ZMAT4: variants seen among roughly 807,000 people sequenced by gnomAD.
The protein encoded by ZMAT4 is zinc finger matrin-type 4.
A neutral mutation model predicts 28.7 loss-of-function variants in ZMAT4; 17 were observed. The ratio of observed to expected loss-of-function variants is 0.59; its 90% confidence interval spans 0.41 to 0.89. ZMAT4 has a LOEUF of 0.89. Ranked by LOEUF, ZMAT4 falls within the 40% of genes least tolerant of loss-of-function variation. The pLI is 0.00. For synonymous variants in ZMAT4, 117 were observed against 109.2 expected (o/e 1.07, Z -0.44); for missense variants, 240 against 283.8 (o/e 0.85, Z 1.11).
At chr8:40,891,434 T>C (rs1250458123) in intron 1 of ZMAT4, among the ~76,000 whole-genome samples, 1 of 151,856 alleles carries the variant, frequency 6.6e-6, no homozygotes, top group Non-Finnish European at 1.5e-5. Flanking sequence ...CTGTGGTCCC[T>C]GGGTTTCCTC....
chr8:40,760,226 C>T (rs1054338097), intron 3 of ZMAT4, among the ~76,000 whole-genome samples: 14 of 152,236 alleles, frequency 9.2e-5, no homozygotes, highest in African/African-American at 3.1e-4. Context: ...CCAGCTCCTT[C>T]TAGCCGTGCT....
chr8:40,617,032 A>G (rs1585765014), intron 5 of ZMAT4, among the ~76,000 whole-genome samples: 1 of 152,168 alleles, frequency 6.6e-6, no homozygotes, highest in East Asian at 1.9e-4. Context: ...AAGAAAAAAT[A>G]TCTCAGCTAT....
chr8:40,615,960 T>C (rs981804069), intron 5 of ZMAT4, among the ~76,000 whole-genome samples: 12 of 152,066 alleles, frequency 7.9e-5, no homozygotes, highest in Admixed American at 7.9e-4. Context: ...ACCTACAAAA[T>C]GGGAGAAAAT....
At chr8:40,828,754 G>T (rs1459923363) in intron 1 of ZMAT4, among the ~76,000 whole-genome samples, 2 of 152,068 alleles carry the variant, frequency 1.3e-5, no homozygotes, top group African/African-American at 2.4e-5. Context: ...AGCCTGTTTT[G>T]TACATGAGGG....
Position 40,896,356 on chromosome 8 carries a change from C to T in ZMAT4, c.-5+1327G>A, listed in dbSNP as rs62640289. On this transcript the variant is annotated intron_variant, in intron 1 of 6. Transcript: ENST00000297737. The stretch of plus-strand genomic sequence containing the variant: ...TCGAACTCCCCAGCTGCGGGTTTAA[C>T]GGAAATCAGAGGGATGAAAATCATC... 6.0e-3 allele frequency among the ~76,000 whole-genome samples: 914 copies of T among 152,230 alleles called. 6 individuals carry two copies. Among genetic ancestry groups the T allele is most frequent in the Middle Eastern group, 0.014 (4 of 294 alleles).
In ZMAT4 at chr8:40,697,468, A is replaced by G; in HGVS notation, c.193-67T>C. ...TTCCATTCTTTTACAAATGAGACTT[A>G]CCCAGACGAACTAGTGTATTGAAAT... On this transcript the variant is annotated intron_variant, in intron 3 of 6. Coordinates refer to ENST00000297737, the MANE Select transcript of ZMAT4 (RefSeq NM_024645.3). 2.9e-6 allele frequency: 4 copies of G among 1,377,716 alleles called. No individual in the cohort carries two copies. In the African/African-American group the frequency reaches 4.4e-5, roughly 15 times the overall value. 85.3% of individuals were successfully genotyped at this position (1,377,716 alleles called of 1,614,324 possible). A position where few individuals can be genotyped will look rare whatever the true frequency, so the allele number is the denominator to read the frequency against.
chr8:40,856,231 A>G (rs1489806375), intron 1 of ZMAT4, among the ~76,000 whole-genome samples: 2 of 152,170 alleles, frequency 1.3e-5, no homozygotes, highest in Non-Finnish European at 2.9e-5. Context: ...GAAAGATGTG[A>G]GCGCCAAAGG....
chr8:40,811,037 T>C (rs1451737331), intron 2 of ZMAT4, among the ~76,000 whole-genome samples: 3 of 152,166 alleles, frequency 2.0e-5, no homozygotes, highest in Non-Finnish European at 2.9e-5. Flanking sequence ...GATTGGCAGA[T>C]ATGTAGAGAT....
intron 1 of ZMAT4, among the ~76,000 whole-genome samples, chr8:40,831,377 C>G (rs1009684180): frequency 6.6e-6 from 1 of 152,204 alleles, no homozygotes; most frequent in Non-Finnish European, 1.5e-5. Flanking sequence ...CTCCCATGAC[C>G]TGCTTCCCAG....
chr8:40,604,670 T>G (rs1805518870), intron 5 of ZMAT4, among the ~76,000 whole-genome samples: 1 of 152,178 alleles, frequency 6.6e-6, no homozygotes, highest in Admixed American at 6.5e-5. Flanking sequence ...GAGATATTAA[T>G]CCGTAGTTTT....
chr8:40,735,501 A>G (rs1811725289), intron 3 of ZMAT4, among the ~76,000 whole-genome samples: 1 of 152,212 alleles, frequency 6.6e-6, no homozygotes, highest in African/African-American at 2.4e-5. Context: ...ATTTTCAGAC[A>G]GTGCCAGATT....
intron 1 of ZMAT4, among the ~76,000 whole-genome samples, chr8:40,844,303 C>G (rs148783555): frequency 6.6e-6 from 1 of 152,096 alleles, no homozygotes; most frequent in African/African-American, 2.4e-5. Flanking sequence ...GTTTGAATTG[C>G]GTAGACTGAG....
intron 5 of ZMAT4, among the ~76,000 whole-genome samples, chr8:40,636,150 A>G (rs890019244): frequency 6.6e-6 from 1 of 152,226 alleles, no homozygotes; most frequent in African/African-American, 2.4e-5. Flanking sequence ...TTGCTTTTTA[A>G]TTCAGTGGAC....
intron 2 of ZMAT4, 119 bp from the exon 3 acceptor site, chr8:40,767,849 A>G: frequency 2.6e-6 from 2 of 763,994 alleles, no homozygotes; most frequent in Non-Finnish European, 4.1e-6. Flanking sequence ...ACACTTCTGC[A>G]TACTCCTGTG....
At chr8:40,805,822 G>C (rs1815061808) in intron 2 of ZMAT4, among the ~76,000 whole-genome samples, 1 of 151,068 alleles carries the variant, frequency 6.6e-6, no homozygotes, top group South Asian at 2.1e-4. Flanking sequence ...ATGGCATTGG[G>C]AGATATACCT....
chr8:40,804,996 TCA>T (rs1217354282), intron 2 of ZMAT4, among the ~76,000 whole-genome samples: 2 of 148,084 alleles, frequency 1.4e-5, no homozygotes, highest in Non-Finnish European at 3.0e-5. Flanking sequence ...CAAACTACCA[TCA>T]GAGTGAACAG....
chr8:40,551,511 C>T (rs917375326), intron 6 of ZMAT4, among the ~76,000 whole-genome samples: 7 of 152,042 alleles, frequency 4.6e-5, no homozygotes, highest in South Asian at 2.1e-4. Flanking sequence ...ATATAGTAGA[C>T]GATGTATTAG....
chr8:40,720,480 T>A (rs1445509114), intron 3 of ZMAT4, among the ~76,000 whole-genome samples: 1 of 151,358 alleles, frequency 6.6e-6, no homozygotes, highest in African/African-American at 2.4e-5. Context: ...AATGCCCAGC[T>A]AGATCACAGG....
chr8:40,886,456 C>T (rs968989365), intron 1 of ZMAT4, among the ~76,000 whole-genome samples: 7 of 152,326 alleles, frequency 4.6e-5, no homozygotes, highest in East Asian at 1.9e-4. Flanking sequence ...CAGCAGACGG[C>T]GCACAGGCTT....
Sources: gnomAD v4.1 joint callset for allele counts (sites outside exome capture counted in the v4.1 genomes callset) on GRCh38, gnomAD v4.1.1 for gene constraint, MANE v1.5 for transcripts, NCBI Gene and HGNC (gene_info 2026-07-23, HGNC 2026-07-21) for gene names.